The following MTM1 variants were observed in gnomAD, a reference collection of about 807,000 sequenced individuals.
The protein encoded by MTM1 is myotubularin.
In MTM1, 9 loss-of-function variants were observed where a neutral mutation model predicts 52.1. The ratio of observed to expected loss-of-function variants is 0.17; its 90% CI spans 0.10 to 0.30. The LOEUF (loss-of-function observed/expected upper bound fraction) is 0.30. Ranked by LOEUF, MTM1 falls within the 10% of genes least tolerant of loss-of-function variation. The pLI is 1.00. For missense variants in MTM1, 277 were observed against 470.7 expected (o/e 0.59, Z 3.81); for synonymous variants, 136 against 163.8 (o/e 0.83, Z 1.29).
At chrX:150,647,194 A>AATATATATATATATATATATATATATGT (rs2039945172) in intron 9 of MTM1, among the ~76,000 whole-genome samples, 1 of 83,836 alleles carries the variant, frequency 1.2e-5, no homozygotes, top group Non-Finnish European at 2.1e-5. Flanking sequence ...TTTCAGGGTG[A>AATATATATATATATATATATATATATGT]ATATATATAT....
rs782192716 is a variant in MTM1, at chrX:150,671,657, G to A, written c.*62G>A. On this transcript the variant is annotated 3_prime_UTR_variant, in exon 15 of 15. Coordinates refer to ENST00000370396, the MANE Select transcript of MTM1 (RefSeq NM_000252.3). ...AGGCGATAGCTGACTTTCATTTGGG[G>A]CATTTGTAAAAAGTAGATTAAAATA... The A allele has an allele frequency of 1.0e-4, 114 of 1,144,633 alleles. 1 individual carries two copies. In the South Asian group the frequency reaches 2.0e-3, roughly 20 times the overall value. 94.3% of individuals were successfully genotyped at this position (1,144,633 alleles called of 1,213,427 possible). A position where few individuals can be genotyped will look rare whatever the true frequency, so the allele number is the denominator to read the frequency against.
intron 4 of MTM1, among the ~76,000 whole-genome samples, chrX:150,609,521 A>T (rs1209684918): frequency 9.0e-6 from 1 of 111,557 alleles, no homozygotes; most frequent in East Asian, 2.8e-4. Flanking sequence ...AGTTCGAGGT[A>T]CCCTTGAGAT....
intron 1 of MTM1, among the ~76,000 whole-genome samples, chrX:150,583,350 T>A (rs1363880812): frequency 7.7e-5 from 3 of 38,991 alleles, no homozygotes; most frequent in Non-Finnish European, 1.2e-4. Flanking sequence ...TATATATAAT[T>A]ATAAATATAT....
chrX:150,620,587 C>A (rs2039461432), intron 6 of MTM1, among the ~76,000 whole-genome samples: 1 of 111,809 alleles, frequency 8.9e-6, no homozygotes, highest in Non-Finnish European at 1.9e-5. Context: ...TTTCTGTATT[C>A]CTGCACCATC....
chrX:150,627,442 A>G (rs1199572311), intron 6 of MTM1, among the ~76,000 whole-genome samples: 1 of 111,569 alleles, frequency 9.0e-6, no homozygotes, highest in Non-Finnish European at 1.9e-5. Flanking sequence ...GCTGTGCCTG[A>G]TCTGAGTTTT....
At chrX:150,605,505 C>A (rs1376845866) in intron 4 of MTM1, among the ~76,000 whole-genome samples, 1 of 112,666 alleles carries the variant, frequency 8.9e-6, no homozygotes, top group Non-Finnish European at 1.9e-5. Flanking sequence ...ATTCTTCAGG[C>A]AGTGTATTAC....
At chrX:150,663,691 C>T (rs1220579223) in intron 14 of MTM1, 82 bp downstream of exon 14, 2 of 907,074 alleles carry the variant, frequency 2.2e-6, no homozygotes, top group African/African-American at 3.9e-5. Flanking sequence ...TTTTTTTTAA[C>T]AGCATGAAGA....
intron 1 of MTM1, among the ~76,000 whole-genome samples, chrX:150,584,114 A>G (rs919968323): frequency 2.9e-5 from 3 of 102,036 alleles, no homozygotes; most frequent in Non-Finnish European, 5.9e-5. Context: ...CGGTTCTTAT[A>G]TGCATGCTAG....
intron 13 of MTM1, among the ~76,000 whole-genome samples, chrX:150,663,182 G>A (rs1192434836): frequency 1.8e-5 from 2 of 112,269 alleles, no homozygotes; most frequent in African/African-American, 6.5e-5. Context: ...GCATTTAATG[G>A]TACAGTATCC....
At chrX:150,630,845 C>T (rs2039655161) in intron 6 of MTM1, among the ~76,000 whole-genome samples, 1 of 111,725 alleles carries the variant, frequency 9.0e-6, no homozygotes, top group Admixed American at 9.5e-5. Flanking sequence ...TGGCTTATTA[C>T]AGCACAAGGA....
chrX:150,624,677 A>G (rs1488371580), intron 6 of MTM1, among the ~76,000 whole-genome samples: 1 of 112,045 alleles, frequency 8.9e-6, no homozygotes, highest in African/African-American at 3.2e-5. Flanking sequence ...ATAGAATAGA[A>G]TAAGAGCATA....
At chrX:150,606,323 T>C (rs2039156577) in intron 4 of MTM1, among the ~76,000 whole-genome samples, 1 of 112,189 alleles carries the variant, frequency 8.9e-6, no homozygotes, top group East Asian at 2.8e-4. Flanking sequence ...CCTTGGTTCC[T>C]TTGTCCCTTG....
At chrX:150,618,994 C>G (rs782768088) in intron 5 of MTM1, 44 bp from the exon 6 acceptor site, 33 of 963,169 alleles carry the variant, frequency 3.4e-5, no homozygotes, top group Non-Finnish European at 4.8e-5. Flanking sequence ...ATTAACATGA[C>G]TTTCTTTGAA....
chrX:150,583,891 A>T (rs1283084362), intron 1 of MTM1, among the ~76,000 whole-genome samples: 3 of 30,298 alleles, frequency 9.9e-5, no homozygotes, highest in African/African-American at 2.3e-4. Context: ...ATATATATAT[A>T]TATTTGATAT....
Position 150,614,719 on chromosome X carries a change from C to A in MTM1, c.342+20C>A. 1.1e-6 allele frequency: 1 copy of A among 893,202 alleles called. No individual in the cohort carries two copies. The highest frequency in any genetic ancestry group is 1.6e-6 in the Non-Finnish European group (1 of 609,543). The allele number at this position is 893,202 out of a possible 1,213,427, so 73.6% of individuals were successfully genotyped here. On this transcript the variant is annotated intron_variant, in intron 5 of 14. Coordinates refer to ENST00000370396, the MANE Select transcript of MTM1 (RefSeq NM_000252.3). ...TGTAAAGTAAGAGATTCGATACTTT[C>A]TTATGCAAAGAACAAGGCACGTTAG...
At chrX:150,662,375 G>T (rs1453511658) in intron 13 of MTM1, among the ~76,000 whole-genome samples, 2 of 111,875 alleles carry the variant, frequency 1.8e-5, no homozygotes, top group African/African-American at 6.5e-5. Flanking sequence ...CCAGGCTGGA[G>T]TGCTGTGGCG....
chrX:150,640,082 C>T (rs1377734775), intron 7 of MTM1, among the ~76,000 whole-genome samples: 2 of 111,554 alleles, frequency 1.8e-5, no homozygotes, highest in Non-Finnish European at 3.8e-5. Flanking sequence ...TAAGGCTTTG[C>T]ACTACTCCCA....
At chrX:150,641,903 G>A (rs1462439211) in intron 8 of MTM1, among the ~76,000 whole-genome samples, 5 of 111,502 alleles carry the variant, frequency 4.5e-5, no homozygotes, top group Non-Finnish European at 9.4e-5. Context: ...TTGTCTAACT[G>A]GAGTCAAGTA....
intron 6 of MTM1, among the ~76,000 whole-genome samples, chrX:150,633,692 A>G: frequency 9.0e-6 from 1 of 111,663 alleles, no homozygotes; most frequent in East Asian, 2.8e-4. Flanking sequence ...AAAAAAAAAA[A>G]AGCTAGCTTC....
Sources: allele counts gnomAD v4.1 joint callset (sites outside exome capture counted in the v4.1 genomes callset), GRCh38; gene constraint gnomAD v4.1.1; transcripts MANE v1.5; gene names NCBI Gene and HGNC (gene_info 2026-07-23, HGNC 2026-07-21).